Variants in NFXL1 observed in about 807,000 individuals in gnomAD.
The protein encoded by NFXL1 is nuclear transcription factor, X-box binding like 1.
Under a neutral mutation model 123.3 loss-of-function variants are expected in NFXL1, and 66 were observed. The ratio of observed to expected loss-of-function variants is 0.54; its 90% confidence interval spans 0.44 to 0.66. The LOEUF (loss-of-function observed/expected upper bound fraction) is 0.66. Among genes scored for constraint, NFXL1 ranks in the 30% least tolerant of loss-of-function variants. NFXL1 has a pLI of 0.00. For missense variants in NFXL1, 944 were observed against 1,125.6 expected (o/e 0.84, Z 2.31); for synonymous variants, 346 against 360.8 (o/e 0.96, Z 0.46).
At chr4:47,849,944 TATTA>T (rs1281556871) in intron 22 of NFXL1, among the ~76,000 whole-genome samples, 9 of 110,902 alleles carry the variant, frequency 8.1e-5, no homozygotes, top group Admixed American at 6.8e-4. Context: ...TTAAAATGCG[TATTA>T]TTTATTTTTT....
chr4:47,872,604 G>C (rs935746122), intron 18 of NFXL1, among the ~76,000 whole-genome samples: 2 of 152,008 alleles, frequency 1.3e-5, no homozygotes, highest in Non-Finnish European at 2.9e-5. Context: ...TGGCTTCCCA[G>C]TGCATATAAA....
intron 9 of NFXL1, among the ~76,000 whole-genome samples, chr4:47,896,952 T>G (rs1464497011): frequency 1.3e-5 from 2 of 152,158 alleles, no homozygotes; most frequent in Non-Finnish European, 2.9e-5. Flanking sequence ...ATTCATGAAT[T>G]TTCCTAATGT....
In NFXL1 at chr4:47,848,136, A is replaced by T; in HGVS notation, c.*27T>A. On this transcript the variant is annotated 3_prime_UTR_variant, in exon 23 of 23. Coordinates refer to ENST00000507489, the MANE Select transcript of NFXL1 (RefSeq NM_001278624.2). ...TAACAACTTATCTAAATCCAATCTG[A>T]GTTACATTAAAAGATCAAAACTTTT... 6.9e-7 allele frequency: 1 copy of T among 1,451,126 alleles called. No individual in the cohort carries two copies. Among genetic ancestry groups the T allele is most frequent in the Non-Finnish European group, 9.4e-7 (1 of 1,061,422 alleles). The allele number at this position is 1,451,126 out of a possible 1,614,324, so 89.9% of individuals were successfully genotyped here.
chr4:47,898,735 C>G (rs1737232232), intron 8 of NFXL1, 22 bp downstream of exon 8: 1 of 1,449,040 alleles, frequency 6.9e-7, no homozygotes, highest in Non-Finnish European at 9.7e-7. Flanking sequence ...ATACCCACCC[C>G]TCAAAATGCA....
intron 3 of NFXL1, among the ~76,000 whole-genome samples, chr4:47,906,529 AATT>A (rs1322436219): frequency 1.3e-5 from 2 of 152,148 alleles, no homozygotes; most frequent in Non-Finnish European, 2.9e-5. Flanking sequence ...CAAAACTATA[AATT>A]ATTATAAAAT....
rs765575420 is a variant in NFXL1 at position 47,903,327 on chromosome 4, A to C, written c.517-4T>G. The C allele has an allele frequency of 3.3e-6, 5 of 1,510,008 alleles. No homozygotes were observed. In the African/African-American group the frequency reaches 5.8e-5, roughly 17 times the overall value. The allele number at this position is 1,510,008 out of a possible 1,614,324, so 93.5% of individuals were successfully genotyped here. A position where few individuals can be genotyped will look rare whatever the true frequency, so the allele number is the denominator to read the frequency against. ...AACATCCCGAACAGCTCCAAACCTA[A>C]GACAAATGTATCAGAAGTTAATATA... On this transcript the variant is annotated splice_polypyrimidine_tract_variant and splice_region_variant and intron_variant, in intron 4 of 22. Coordinates refer to ENST00000507489, the MANE Select transcript of NFXL1 (RefSeq NM_001278624.2).
intron 19 of NFXL1, among the ~76,000 whole-genome samples, chr4:47,859,841 C>CAAA (rs938207203): frequency 2.1e-4 from 3 of 14,312 alleles, no homozygotes; most frequent in East Asian, 4.1e-3. Flanking sequence ...GACTCCATCT[C>CAAA]AAAAAAAAAA....
chr4:47,886,285 C>T (rs1050759935), intron 12 of NFXL1, among the ~76,000 whole-genome samples: 1 of 151,982 alleles, frequency 6.6e-6, no homozygotes, highest in South Asian at 2.1e-4. Flanking sequence ...TGGTCATGTT[C>T]TGTTTAATGA....
chr4:47,871,312 C>T (rs1419202500), intron 18 of NFXL1, among the ~76,000 whole-genome samples: 3 of 148,938 alleles, frequency 2.0e-5, no homozygotes, highest in Non-Finnish European at 4.4e-5. Context: ...GATTATGCCA[C>T]TGCACTCCAG....
intron 17 of NFXL1, among the ~76,000 whole-genome samples, chr4:47,875,506 A>ATT (rs1472502884): frequency 1.3e-5 from 2 of 152,134 alleles, no homozygotes; most frequent in African/African-American, 2.4e-5. Flanking sequence ...ATTCATATAG[A>ATT]TTTTTTTGCC....
rs775055069 is a variant in NFXL1 at position 47,848,328 on chromosome 4, T to C, written c.2571A>G (p.Leu857=). ...EEEKRRQQAE[L]EAFENRLKGR... The stretch of plus-strand genomic sequence containing the variant: ...CCTTCAGTCTGTTTTCAAAAGCTTC[T>C]AGTTCAGCCTAAATAAAAACAGCAT... The change falls in exon 23 of 23, where the codon CTA becomes CTG. Residue 857 remains leucine (L), a synonymous_variant. Coordinates refer to ENST00000507489, the MANE Select transcript of NFXL1 (RefSeq NM_001278624.2). The C allele has an allele frequency of 7.5e-6, 12 of 1,597,004 alleles. No homozygotes were observed. Among genetic ancestry groups the C allele is most frequent in the South Asian group, 6.8e-5 (6 of 88,206 alleles).
intron 15 of NFXL1, among the ~76,000 whole-genome samples, chr4:47,880,807 TAAAAAA>T (rs57880960): frequency 0.012 from 963 of 78,848 alleles, 6 homozygotes; most frequent in African/African-American, 0.041. Context: ...AATTAATGAG[TAAAAAA>T]AAAAAAAAAA....
At chr4:47,860,610 A>G (rs995598882) in intron 19 of NFXL1, among the ~76,000 whole-genome samples, 2 of 152,248 alleles carry the variant, frequency 1.3e-5, no homozygotes, top group Non-Finnish European at 2.9e-5. Context: ...GTAACAATCT[A>G]CAGTATGGGA....
At chr4:47,878,394 AAGG>A (rs1305889779) in intron 17 of NFXL1, 128 bp downstream of exon 17, 7 of 658,902 alleles carry the variant, frequency 1.1e-5, no homozygotes, top group Non-Finnish European at 1.8e-5. Context: ...AAAGGAAAAG[AAGG>A]AGAAGGGATG....
rs34491160 is a variant in NFXL1 at position 47,861,018 on chromosome 4, A to ATT, written c.2316+1826_2316+1827dup. Among the ~76,000 whole-genome samples the ATT allele has an allele frequency of 4.1e-3, 591 of 145,020 alleles. 3 individuals are homozygous for ATT. Among genetic ancestry groups the ATT allele is most frequent in the East Asian group, 0.02 (102 of 4,982 alleles). On this transcript the variant is annotated intron_variant, in intron 19 of 22. Coordinates refer to ENST00000507489, the MANE Select transcript of NFXL1 (RefSeq NM_001278624.2). ...TAGGCACATGCCACCACGTCAGGCTATTTTTTTTTTTTTGTATTTTTTAGT... is the reference window on the plus strand; with the variant it reads ...TAGGCACATGCCACCACGTCAGGCTATTTTTTTTTTTTTTTGTATTTTTTAGT...
chr4:47,860,705 A>C (rs1466191661), intron 19 of NFXL1, among the ~76,000 whole-genome samples: 2 of 152,366 alleles, frequency 1.3e-5, no homozygotes, highest in African/African-American at 4.8e-5. Flanking sequence ...ACAAAGATTC[A>C]AAGTGATATA....
At chr4:47,854,973 A>AAAACAAAACTATGTTTTTG (rs1437218860) in intron 20 of NFXL1, 86 bp downstream of exon 20, 6 of 503,740 alleles carry the variant, frequency 1.2e-5, no homozygotes, top group Non-Finnish European at 2.1e-5. Context: ...CAACTACCAA[A>AAAACAAAACTATGTTTTTG]ACACATAGAT....
chr4:47,858,879 A>G (rs777827581), intron 19 of NFXL1, among the ~76,000 whole-genome samples: 19 of 152,306 alleles, frequency 1.2e-4, no homozygotes, highest in Middle Eastern at 3.4e-3. Context: ...ATGTATTTTT[A>G]GGTATATATG....
intron 21 of NFXL1, 52 bp downstream of exon 21, chr4:47,851,804 A>G (rs1734132752): frequency 1.7e-6 from 2 of 1,179,992 alleles, no homozygotes; most frequent in Admixed American, 1.9e-5. Flanking sequence ...AATGCACAAA[A>G]TAAGAAGGGA....
Sources: allele counts gnomAD v4.1 joint callset (sites outside exome capture counted in the v4.1 genomes callset), GRCh38; gene constraint gnomAD v4.1.1; transcripts MANE v1.5; gene names NCBI Gene and HGNC (gene_info 2026-07-23, HGNC 2026-07-21).